Variants in LYPD6B observed in about 807,000 individuals in gnomAD.
The protein encoded by LYPD6B is ly6/PLAUR domain-containing protein 6B.
In LYPD6B, 17 loss-of-function variants were observed where a neutral mutation model predicts 22.8. The ratio of observed to expected loss-of-function variants is 0.75; its 90% CI spans 0.51 to 1.12. The LOEUF is 1.12. Among genes scored for constraint, LYPD6B ranks in the 50% most tolerant of loss-of-function variants. The pLI is 0.00. For synonymous variants in LYPD6B, 106 were observed against 91.6 expected (o/e 1.16, Z -0.90); for missense variants, 221 against 258.3 (o/e 0.86, Z 0.99).
At chr2:149,059,238 A>G (rs1428506995) in intron 1 of LYPD6B, among the ~76,000 whole-genome samples, 1 of 152,228 alleles carries the variant, frequency 6.6e-6, no homozygotes, top group Non-Finnish European at 1.5e-5. Flanking sequence ...GTTCCCTGTC[A>G]TGGGAATCTT....
intron 3 of LYPD6B, among the ~76,000 whole-genome samples, chr2:149,201,938 A>C (rs975997443): frequency 6.6e-6 from 1 of 152,170 alleles, no homozygotes; most frequent in Non-Finnish European, 1.5e-5. Flanking sequence ...GTTGCTGCTA[A>C]ACCACGGTTT....
intron 3 of LYPD6B, chr2:149,187,631 C>T: frequency 1.0e-6 from 1 of 996,022 alleles, no homozygotes; most frequent in East Asian, 3.1e-5. Context: ...TATTTAGTAA[C>T]TTAAGCAGGC....
At chr2:149,172,834 A>G (rs1483721070) in intron 3 of LYPD6B, among the ~76,000 whole-genome samples, 1 of 152,044 alleles carries the variant, frequency 6.6e-6, no homozygotes, top group Non-Finnish European at 1.5e-5. Context: ...TTCTGCCTTC[A>G]GTGCTCCTGG....
chr2:149,123,815 G>T (rs995348302), intron 1 of LYPD6B, among the ~76,000 whole-genome samples: 5 of 152,146 alleles, frequency 3.3e-5, no homozygotes, highest in Non-Finnish European at 7.4e-5. Context: ...AGCTGAGATT[G>T]CGCCACTGCA....
chr2:149,145,177 A>G (rs540742367), intron 2 of LYPD6B, among the ~76,000 whole-genome samples: 44 of 152,300 alleles, frequency 2.9e-4, no homozygotes, highest in East Asian at 7.7e-4. Flanking sequence ...TTCTGACTAG[A>G]GCAGATTCAA....
intron 1 of LYPD6B, among the ~76,000 whole-genome samples, chr2:149,110,013 G>A (rs1297132479): frequency 6.6e-6 from 1 of 151,920 alleles, no homozygotes; most frequent in Non-Finnish European, 1.5e-5. Context: ...ACCCGGCCAC[G>A]TTCTTTTCTT....
chr2:149,196,255 G>A (rs2106092271), intron 3 of LYPD6B, among the ~76,000 whole-genome samples: 1 of 152,218 alleles, frequency 6.6e-6, no homozygotes, highest in Middle Eastern at 3.4e-3. Flanking sequence ...TATTAGTATT[G>A]CTTTTATAAG....
intron 1 of LYPD6B, among the ~76,000 whole-genome samples, chr2:149,071,917 C>G (rs59510053): frequency 0.014 from 2,171 of 152,196 alleles, 55 homozygotes; most frequent in African/African-American, 0.049. Flanking sequence ...TTCCTTTTCT[C>G]TCTTGAAAGT....
intron 3 of LYPD6B, among the ~76,000 whole-genome samples, chr2:149,194,619 G>C (rs1286968485): frequency 6.6e-6 from 1 of 152,180 alleles, no homozygotes; most frequent in Non-Finnish European, 1.5e-5. Context: ...GGAGCTGTGG[G>C]ACATGATGAT....
intron 2 of LYPD6B, among the ~76,000 whole-genome samples, chr2:149,159,587 T>C (rs1575086145): frequency 9.7e-6 from 1 of 103,538 alleles, no homozygotes; most frequent in Non-Finnish European, 2.0e-5. Context: ...AGCATATGTG[T>C]GCGTGTGTGT....
chr2:149,095,666 G>C (rs75492986), intron 1 of LYPD6B, among the ~76,000 whole-genome samples: 1 of 152,108 alleles, frequency 6.6e-6, no homozygotes, highest in African/African-American at 2.4e-5. Flanking sequence ...TGGAGCAAGA[G>C]ATCTCAAGTA....
Position 149,082,939 on chromosome 2 carries a change from C to T in LYPD6B, c.-67+44138C>T, listed in dbSNP as rs192437956. ...ATAAGGAATTCAGGGTGTGGAACAG[C>T]TTTCTCACTGACTCCCTGGCTGCAC... On this transcript the variant is annotated intron_variant, in intron 1 of 6. Transcript: ENST00000409642. 4.6e-5 allele frequency among the ~76,000 whole-genome samples: 7 copies of T among 152,308 alleles called. No homozygotes were observed. In the East Asian group the frequency reaches 9.6e-4, roughly 21 times the overall value.
intron 3 of LYPD6B, among the ~76,000 whole-genome samples, chr2:149,189,365 TATACAC>T (rs1440820700): frequency 1.7e-4 from 16 of 93,254 alleles, no homozygotes; most frequent in East Asian, 2.9e-4. Context: ...TATATATATA[TATACAC>T]ACACATATGT....
At chr2:149,189,367 T>TATATATATATATATAC (rs1290881582) in intron 3 of LYPD6B, among the ~76,000 whole-genome samples, 14 of 81,052 alleles carry the variant, frequency 1.7e-4, no homozygotes, top group African/African-American at 5.3e-4. Flanking sequence ...TATATATATA[T>TATATATATATATATAC]ACACACACAT....
At position 149,175,061 on chromosome 2, in the gene LYPD6B, C is replaced by CTGTGTGTG. The variant is rs1330239336; in HGVS notation, c.77+14244_77+14251dup. Among the ~76,000 whole-genome samples the CTGTGTGTG allele has an allele frequency of 1.3e-3, 144 of 113,052 alleles. 1 individual carries two copies. Among genetic ancestry groups the CTGTGTGTG allele is most frequent in the African/African-American group, 3.5e-3 (108 of 31,072 alleles). 74.2% of individuals were successfully genotyped at this position (113,052 alleles called of 152,430 possible). On this transcript the variant is annotated intron_variant, in intron 3 of 6. Coordinates refer to ENST00000409642, the MANE Select transcript of LYPD6B (RefSeq NM_177964.5). ...TCTCTCTCTCTCTCTCTCTCTCTCT[C>CTGTGTGTG]TGTGTGTGTGTGTGTGTGTGTGTGT...
intron 2 of LYPD6B, among the ~76,000 whole-genome samples, chr2:149,155,902 ATTAT>A (rs1258829345): frequency 2.0e-5 from 3 of 152,178 alleles, no homozygotes; most frequent in Admixed American, 6.6e-5. Flanking sequence ...GGAAAAAGCG[ATTAT>A]TTATGAATCA....
chr2:149,148,661 T>A (rs1471119780), intron 2 of LYPD6B, among the ~76,000 whole-genome samples: 1 of 152,150 alleles, frequency 6.6e-6, no homozygotes, highest in Non-Finnish European at 1.5e-5. Context: ...TCAGTAGAAG[T>A]TAGAAATATA....
intron 1 of LYPD6B, among the ~76,000 whole-genome samples, chr2:149,048,440 T>G (rs1024007680): frequency 6.6e-6 from 1 of 152,240 alleles, no homozygotes; most frequent in African/African-American, 2.4e-5. Flanking sequence ...ATTCCCATCT[T>G]TTGGTCTTCC....
chr2:149,159,056 GT>G (rs1221391676), intron 2 of LYPD6B, among the ~76,000 whole-genome samples: 3 of 151,662 alleles, frequency 2.0e-5, no homozygotes, highest in East Asian at 1.9e-4. Context: ...AGATTTTTAT[GT>G]TTTTTTTTCC....
Sources: allele counts gnomAD v4.1 joint callset (sites outside exome capture counted in the v4.1 genomes callset), GRCh38; gene constraint gnomAD v4.1.1; transcripts MANE v1.5; gene names NCBI Gene and HGNC (gene_info 2026-07-23, HGNC 2026-07-21).